The following TEX14 variants were observed in gnomAD, a reference collection of about 807,000 sequenced individuals.
TEX14 encodes the protein testis expressed 14, intercellular bridge forming factor, also known as inactive serine/threonine-protein kinase TEX14.
TEX14 carries 168 observed loss-of-function variants against 178.6 expected under a neutral mutation model. The ratio of observed to expected loss-of-function variants is 0.94; its 90% CI spans 0.83 to 1.07. The LOEUF is 1.07. TEX14 is among the 50% of genes least tolerant of loss of function. TEX14 has a pLI of 0.00. For missense variants in TEX14, 1,730 were observed against 1,753.6 expected, an observed-to-expected ratio of 0.99 and a Z score of 0.24; for synonymous variants, 626 against 634.1, an observed-to-expected ratio of 0.99 and a Z score of 0.19.
intron 1 of TEX14, among the ~76,000 whole-genome samples, chr17:58,662,935 G>A (rs1405697934): frequency 6.6e-6 from 1 of 151,474 alleles, no homozygotes; most frequent in African/African-American, 2.4e-5. Flanking sequence ...GTGAAACCCC[G>A]TCTCTACTAA....
chr17:58,686,964 T>C (rs2567913), intron 1 of TEX14, among the ~76,000 whole-genome samples: 149,666 of 149,666 alleles, frequency 1, 74,833 homozygotes, highest in Non-Finnish European at 1. Flanking sequence ...ACCTCCATCT[T>C]TGGGGTTCAG....
At chr17:58,633,094 C>G (rs1057214471) in intron 2 of TEX14, among the ~76,000 whole-genome samples, 18 of 152,178 alleles carry the variant, frequency 1.2e-4, no homozygotes, top group African/African-American at 4.3e-4. Context: ...ACACTCTGGC[C>G]TTACAGTTCC....
intron 1 of TEX14, among the ~76,000 whole-genome samples, chr17:58,678,818 T>TATAATAATAATA (rs56142259): frequency 0.15 from 20,710 of 137,074 alleles, 1,748 homozygotes; most frequent in African/African-American, 0.2. Context: ...GAACTTAAAG[T>TATAATAATAATA]ATAATAATAA....
chr17:58,630,595 T>C (rs2046265368), intron 2 of TEX14, 41 bp from the exon 3 acceptor site: 1 of 1,462,674 alleles, frequency 6.8e-7, no homozygotes, highest in Non-Finnish European at 9.6e-7. Context: ...TATCAGAAAA[T>C]TTCCTGAGAA....
chr17:58,600,359 C>T (rs1462135021), intron 13 of TEX14, among the ~76,000 whole-genome samples: 2 of 151,516 alleles, frequency 1.3e-5, no homozygotes, highest in Non-Finnish European at 2.9e-5. Context: ...AACATGGTGA[C>T]CACCATGGCC....
intron 1 of TEX14, among the ~76,000 whole-genome samples, chr17:58,664,674 A>G (rs1249577544): frequency 6.6e-6 from 1 of 152,218 alleles, no homozygotes; most frequent in African/African-American, 2.4e-5. Flanking sequence ...TGAAGGGCCC[A>G]TACTTTTGCC....
At position 58,599,332 on chromosome 17, in the gene TEX14, C is replaced by T. The variant is rs142675831; in HGVS notation, c.2013G>A (p.Ala671=). 40 of 1,613,782 alleles carry T rather than the reference C, an allele frequency of 2.5e-5. No individual in the cohort carries two copies. The highest frequency in any genetic ancestry group is 1.6e-4 in the East Asian group (7 of 44,888). The change falls in exon 14 of 32, where the codon GCG becomes GCA. Residue 671 remains alanine (A), a synonymous_variant. Transcript: ENST00000349033. ...EEELDKMERE[A]CCFGSEDESS... is the part of the protein sequence containing the mutation. Reference sequence around the variant, plus strand: ...TCTCATCCTCACTGCCAAAACAACACGCCTCTCTCTCCATCTTATCCAGCT... The same window carrying T: ...TCTCATCCTCACTGCCAAAACAACATGCCTCTCTCTCCATCTTATCCAGCT...
intron 2 of TEX14, among the ~76,000 whole-genome samples, chr17:58,636,374 C>T (rs2046433717): frequency 6.6e-6 from 1 of 152,182 alleles, no homozygotes; most frequent in African/African-American, 2.4e-5. Context: ...TAATACCACC[C>T]TCATAAGCCC....
intron 2 of TEX14, among the ~76,000 whole-genome samples, chr17:58,633,092 G>T (rs774556942): frequency 6.6e-6 from 1 of 152,110 alleles, no homozygotes; most frequent in African/African-American, 2.4e-5. Flanking sequence ...CCACACTCTG[G>T]CCTTACAGTT....
Position 58,565,946 on chromosome 17 carries a change from C to T in TEX14, c.3887-122G>A, listed in dbSNP as rs557631761. Reference sequence around the variant, plus strand: ...GCAGCATTAACATAACCCGGGAACTCGTTAGGAATGCAAATTCTCAGGCCT... The same window carrying T: ...GCAGCATTAACATAACCCGGGAACTTGTTAGGAATGCAAATTCTCAGGCCT... On this transcript the variant is annotated intron_variant, in intron 26 of 31. Coordinates refer to ENST00000349033, the MANE Select transcript of TEX14 (RefSeq NM_031272.5). 4.1e-6 allele frequency: 3 copies of T among 724,742 alleles called. No homozygotes were observed. The South Asian group carries it at 5.2e-5, about 13-fold the overall frequency. 44.9% of individuals were successfully genotyped at this position (724,742 alleles called of 1,614,324 possible).
At chr17:58,639,286 TG>T (rs2046515856) in intron 2 of TEX14, among the ~76,000 whole-genome samples, 1 of 151,960 alleles carries the variant, frequency 6.6e-6, no homozygotes, top group South Asian at 2.1e-4. Flanking sequence ...TGATCTTGCT[TG>T]GGGAGTTGAG....
At chr17:58,654,589 C>T (rs2046910627) in intron 1 of TEX14, among the ~76,000 whole-genome samples, 1 of 149,082 alleles carries the variant, frequency 6.7e-6, no homozygotes, top group Non-Finnish European at 1.5e-5. Flanking sequence ...TCACTGCAAT[C>T]TCCACCTCCT....
At chr17:58,638,416 A>ATGCCCAAATG (rs2046489025) in intron 2 of TEX14, among the ~76,000 whole-genome samples, 1 of 152,198 alleles carries the variant, frequency 6.6e-6, no homozygotes, top group Non-Finnish European at 1.5e-5. Context: ...CGTGGAACAA[A>ATGCCCAAATG]CCCAAATGCC....
intron 2 of TEX14, among the ~76,000 whole-genome samples, chr17:58,632,948 C>G (rs1455648413): frequency 1.3e-5 from 2 of 152,160 alleles, no homozygotes; most frequent in Non-Finnish European, 2.9e-5. Context: ...AGTCTCACTT[C>G]CGCTGTTCTT....
At chr17:58,659,123 C>A (rs2047037762) in intron 1 of TEX14, among the ~76,000 whole-genome samples, 1 of 150,554 alleles carries the variant, frequency 6.6e-6, no homozygotes, top group South Asian at 2.1e-4. Context: ...ACACACAAGC[C>A]GTCTTTTAAA....
At position 58,571,874 on chromosome 17, in the gene TEX14, C is replaced by G. The variant is rs182743863; in HGVS notation, c.3717+47G>C. The G allele has an allele frequency of 2.3e-3, 3,623 of 1,570,680 alleles. 7 individuals carry two copies. Among genetic ancestry groups the G allele is most frequent in the Non-Finnish European group, 2.6e-3 (3,014 of 1,143,558 alleles). Reference sequence around the variant, plus strand: ...TCTTGGCAGTTTGGGTCACTGGGCCCTTTGGGCTGACTCCATGAGTTTGTA... The same window carrying G: ...TCTTGGCAGTTTGGGTCACTGGGCCGTTTGGGCTGACTCCATGAGTTTGTA... On this transcript the variant is annotated intron_variant, in intron 24 of 31. Transcript: ENST00000349033.
At chr17:58,652,594 G>A (rs899808623) in intron 1 of TEX14, among the ~76,000 whole-genome samples, 2 of 152,046 alleles carry the variant, frequency 1.3e-5, no homozygotes, top group African/African-American at 4.8e-5. Flanking sequence ...CCAAGTCTCC[G>A]GCATGTCTTT....
Position 58,651,955 on chromosome 17 carries a change from C to T in TEX14, c.47G>A (p.Gly16Asp). 6.2e-7 allele frequency: 1 copy of T among 1,613,056 alleles called. No individual in the cohort carries two copies. Among genetic ancestry groups the T allele is most frequent in the Non-Finnish European group, 8.5e-7 (1 of 1,179,766 alleles). ...RLPVPCPVQL[G>D]TLRNDSLEAQ... ...TTCCAGGGAGTCATTTCTTAAGGTA[C>T]CAAGTTGAACAGGACAGGGGACTGG... is the stretch of plus-strand genomic sequence containing the variant. Residue 16 changes from glycine (G) to aspartate (D), a missense_variant, in exon 2 of 32, where the codon GGT becomes GAT. By Grantham distance (94) the Gly-to-Asp change is moderately conservative. Transcript: ENST00000349033.
chr17:58,581,731 C>T (rs2044826363), intron 19 of TEX14: 14 of 1,607,906 alleles, frequency 8.7e-6, no homozygotes, highest in Non-Finnish European at 1.2e-5. Flanking sequence ...TGGACTGATG[C>T]TATTAATAAT....
Sources: gnomAD v4.1 joint callset for allele counts (sites outside exome capture counted in the v4.1 genomes callset) on GRCh38, gnomAD v4.1.1 for gene constraint, MANE v1.5 for transcripts, NCBI Gene and HGNC (gene_info 2026-07-23, HGNC 2026-07-21) for gene names.